MIA3: variants seen among roughly 807,000 people sequenced by gnomAD.
MIA3 encodes transport and Golgi organization protein 1 homolog.
In MIA3, 90 loss-of-function variants were observed where a neutral mutation model predicts 192.4. That is an observed-to-expected ratio of 0.47 (90% CI 0.39 to 0.56). The LOEUF (loss-of-function observed/expected upper bound fraction) is 0.56. MIA3 is among the 20% of genes least tolerant of loss of function. MIA3 has a pLI of 0.00. For synonymous variants in MIA3, 740 were observed against 792.8 expected (o/e 0.93, Z 1.12); for missense variants, 2,123 against 2,269.4 (o/e 0.94, Z 1.31).
At chr1:222,639,402 A>G (rs1195314971) in intron 6 of MIA3, among the ~76,000 whole-genome samples, 1 of 152,188 alleles carries the variant, frequency 6.6e-6, no homozygotes, top group African/African-American at 2.4e-5. Context: ...TGTTACCAGG[A>G]TATCAAAACA....
chr1:222,640,789 AAC>A (rs1358418592), intron 6 of MIA3, among the ~76,000 whole-genome samples: 2 of 152,218 alleles, frequency 1.3e-5, no homozygotes, highest in Admixed American at 1.3e-4. Flanking sequence ...ATCTCTTCAA[AAC>A]ACACTGTTAT....
Position 222,665,159 on chromosome 1 carries a change from T to C in MIA3, c.5414-150T>C, listed in dbSNP as rs558906854. 28 of 620,818 alleles carry C rather than the reference T, an allele frequency of 4.5e-5. No homozygotes were observed. The East Asian group carries it at 7.7e-4, about 17-fold the overall frequency. 38.5% of individuals were successfully genotyped at this position (620,818 alleles called of 1,614,324 possible). On this transcript the variant is annotated intron_variant, in intron 27 of 27. Coordinates refer to ENST00000344922, the MANE Select transcript of MIA3 (RefSeq NM_198551.4). ...GGCTGCAGTGAGCCATGATCACTCA[T>C]TACACTCCAGCCCATGTGACAGGCA...
chr1:222,627,572 C>T lies in MIA3; in HGVS notation c.355-3C>T, dbSNP rs1662176649. ...CAGACTAATGTTTTTCTTTTTCTTA[C>T]AGGAGACGGATTTTGTTTGTTTTGA... On this transcript the variant is annotated splice_region_variant and splice_polypyrimidine_tract_variant and intron_variant, in intron 3 of 27. Coordinates refer to ENST00000344922, the MANE Select transcript of MIA3 (RefSeq NM_198551.4). 2 of 1,565,790 alleles carry T rather than the reference C, an allele frequency of 1.3e-6. No homozygotes were observed. The highest frequency in any genetic ancestry group is 1.4e-5 in the African/African-American group (1 of 72,402).
At chr1:222,641,766 G>A (rs878911530) in intron 6 of MIA3, 1 of 559,360 alleles carries the variant, frequency 1.8e-6, no homozygotes, top group South Asian at 1.4e-5. Flanking sequence ...CTTTGAGCTG[G>A]GCAATGGAGG....
intron 6 of MIA3, 152 bp downstream of exon 6, chr1:222,633,401 G>A (rs1309366093): frequency 9.0e-6 from 6 of 664,252 alleles, no homozygotes; most frequent in Non-Finnish European, 1.5e-5. Flanking sequence ...CAGGTGTGTG[G>A]CTTTAATGGG....
At chr1:222,625,589 T>C (rs1033238428) in intron 3 of MIA3, among the ~76,000 whole-genome samples, 1 of 152,232 alleles carries the variant, frequency 6.6e-6, no homozygotes, top group Non-Finnish European at 1.5e-5. Flanking sequence ...ATTATAGTTA[T>C]AGATTTGGAA....
chr1:222,659,748 T>C lies in MIA3; in HGVS notation c.4821T>C (p.Ala1607=). The C allele has an allele frequency of 6.2e-7, 1 of 1,614,162 alleles. No individual in the cohort carries two copies. The highest frequency in any genetic ancestry group is 8.5e-7 in the Non-Finnish European group (1 of 1,180,000). ...TTCTTCAATAGCTCAAAGCTCGTGC[T>C]GCAGAAAGAGCTATAGCTGAAGAGA... ...KAHENWLKAR[A]AERAIAEEKR... The change falls in exon 22 of 28, where the codon GCT becomes GCC. Residue 1607 remains alanine, a synonymous_variant. Coordinates refer to ENST00000344922, the MANE Select transcript of MIA3 (RefSeq NM_198551.4).
Position 222,629,206 on chromosome 1 carries a change from T to G in MIA3, c.1986T>G (p.Asp662Glu). The G allele has an allele frequency of 6.2e-7, 1 of 1,614,180 alleles. No individual in the cohort carries two copies. The highest frequency in any genetic ancestry group is 1.1e-5 in the South Asian group (1 of 91,086). ...GRNLPWQQER[D>E]VAATASKQMS... The stretch of plus-strand genomic sequence containing the variant: ...ATCTTCCCTGGCAACAAGAAAGAGA[T>G]GTGGCTGCCACAGCCAGTAAGCAAA... The change falls in exon 4 of 28, where the codon GAT (aspartate) becomes GAG (glutamate). Residue 662 changes from aspartate (D) to glutamate (E), a missense_variant. By Grantham distance (45) the Asp-to-Glu change is conservative (BLOSUM62 2). Coordinates refer to ENST00000344922, the MANE Select transcript of MIA3 (RefSeq NM_198551.4).
At position 222,628,554 on chromosome 1, in the gene MIA3, T is replaced by C. The variant is rs1291477378; in HGVS notation, c.1334T>C (p.Phe445Ser). The C allele has an allele frequency of 1.5e-5, 25 of 1,614,048 alleles. No individual in the cohort carries two copies. Among genetic ancestry groups the C allele is most frequent in the Non-Finnish European group, 2.0e-5 (24 of 1,180,044 alleles). The change falls in exon 4 of 28, where the codon TTT (phenylalanine) becomes TCT (serine). Residue 445 changes from phenylalanine to serine, a missense_variant. This residue lies in a region of MIA3 where 1,357 missense variants were observed against 1,396.1 expected (regional missense o/e 0.97). Transcript: ENST00000344922. Reference protein sequence around the residue: ...SDPDNVDDGLFIVDIPKTNND... With the variant: ...SDPDNVDDGLSIVDIPKTNND... ...CCTGACAATGTAGATGATGGTCTTT[T>C]TATTGTAGACATTCCTAAAACAAAT... is the stretch of plus-strand genomic sequence containing the variant.
chr1:222,654,543 T>C, intron 17 of MIA3, 64 bp downstream of exon 17: 1 of 1,557,418 alleles, frequency 6.4e-7, no homozygotes, highest in South Asian at 1.1e-5. Context: ...ATTAGAAAGA[T>C]AAAGAGCGGC....
Position 222,628,174 on chromosome 1 carries a change from TGAG to T in MIA3, c.958_960del (p.Glu320del), listed in dbSNP as rs1193298968. Reference sequence around the variant, plus strand: ...AGTATTATGCAGTTGGAAAGGAAGATGAGGAGAACCAAGAAGACTTTGATGAGT... The same window carrying T: ...AGTATTATGCAGTTGGAAAGGAAGATGAGAACCAAGAAGACTTTGATGAGT... On this transcript the variant is annotated inframe_deletion, in exon 4 of 28. Coordinates refer to ENST00000344922, the MANE Select transcript of MIA3 (RefSeq NM_198551.4). The T allele has an allele frequency of 1.2e-6, 2 of 1,614,010 alleles. No individual in the cohort carries two copies. The highest frequency in any genetic ancestry group is 2.2e-5 in the East Asian group (1 of 44,882).
chr1:222,649,602 T>TA (rs770096127), intron 8 of MIA3: 16 of 151,728 alleles, frequency 1.1e-4, no homozygotes, highest in Admixed American at 2.0e-4. Flanking sequence ...CCCATCTCTA[T>TA]AAAAAAAATA....
At chr1:222,646,543 G>A (rs1215167637) in intron 7 of MIA3, among the ~76,000 whole-genome samples, 1 of 152,064 alleles carries the variant, frequency 6.6e-6, no homozygotes, top group African/African-American at 2.4e-5. Flanking sequence ...CATAAGGCCA[G>A]GAGTTTGAGA....
At chr1:222,643,084 G>C (rs1662934563) in intron 6 of MIA3, among the ~76,000 whole-genome samples, 2 of 151,998 alleles carry the variant, frequency 1.3e-5, no homozygotes, top group African/African-American at 4.8e-5. Flanking sequence ...TTCCTTTGTT[G>C]CTTTTGGATT....
At chr1:222,657,661 CCAGAGT>C (rs779216412) in intron 18 of MIA3, among the ~76,000 whole-genome samples, 9 of 152,336 alleles carry the variant, frequency 5.9e-5, no homozygotes, top group Middle Eastern at 3.4e-3. Flanking sequence ...CCTTCCTAAG[CCAGAGT>C]CAGAGAGGGA....
intron 15 of MIA3, among the ~76,000 whole-genome samples, chr1:222,653,838 G>A (rs1415933986): frequency 6.6e-6 from 1 of 152,152 alleles, no homozygotes; most frequent in Non-Finnish European, 1.5e-5. Flanking sequence ...CTATAGTGTT[G>A]CAGTGTTTAC....
intron 26 of MIA3, 128 bp from the exon 27 acceptor site, chr1:222,663,870 T>C (rs185784506): frequency 2.3e-6 from 2 of 866,114 alleles, no homozygotes; most frequent in African/African-American, 3.4e-5. Flanking sequence ...GTAGAGTTTT[T>C]TGCACTAATT....
rs544488607 is a variant in MIA3, at chr1:222,667,505, T to C, written c.*1886T>C. On this transcript the variant is annotated 3_prime_UTR_variant, in exon 28 of 28. Coordinates refer to ENST00000344922, the MANE Select transcript of MIA3 (RefSeq NM_198551.4). ...AAATCTATTTTTAAAATTCAAAATA[T>C]TAGAGTATTTTTCCCCTCTAAAGCC... The C allele has an allele frequency of 9.2e-5, 14 of 152,334 alleles. No homozygotes were observed. The highest frequency in any genetic ancestry group is 8.5e-4 in the Admixed American group (13 of 15,298). 9.4% of individuals were successfully genotyped at this position (152,334 alleles called of 1,614,324 possible). A position where few individuals can be genotyped will look rare whatever the true frequency, so the allele number is the denominator to read the frequency against.
At position 222,664,079 on chromosome 1, in the gene MIA3, C is replaced by T. The variant is rs1306055449; in HGVS notation, c.5344C>T (p.Pro1782Ser). 6.8e-6 allele frequency: 11 copies of T among 1,614,068 alleles called. No homozygotes were observed. The highest frequency in any genetic ancestry group is 8.5e-6 in the Non-Finnish European group (10 of 1,180,010). Residue 1782 changes from proline (P) to serine (S), a missense_variant, in exon 27 of 28, where the codon CCC becomes TCC. Physicochemically the swap from Pro to Ser is moderately conservative, Grantham distance 74 (BLOSUM62 -1). Coordinates refer to ENST00000344922, the MANE Select transcript of MIA3 (RefSeq NM_198551.4). ...STPMGGPVPP[P>S]IRYGPPPQLC... ...CCCCATGGGAGGCCCTGTACCACCA[C>T]CCATTCGATATGGACCACCACCTCA...
Sources: allele counts gnomAD v4.1 joint callset (sites outside exome capture counted in the v4.1 genomes callset), GRCh38; gene constraint gnomAD v4.1.1; regional missense constraint gnomAD v4.1.1; transcripts MANE v1.5; gene names NCBI Gene and HGNC (gene_info 2026-07-23, HGNC 2026-07-21).